The following TRIM2 variants were observed in gnomAD, a reference collection of about 807,000 sequenced individuals.
The protein encoded by TRIM2 is tripartite motif containing 2, also known as tripartite motif-containing protein 2.
A neutral mutation model predicts 75.2 loss-of-function variants in TRIM2; 20 were observed. That is an observed-to-expected ratio of 0.27 (90% CI 0.19 to 0.39). The LOEUF (loss-of-function observed/expected upper bound fraction) is 0.39. Among genes scored for constraint, TRIM2 ranks in the 10% least tolerant of loss-of-function variants. The pLI, the probability that TRIM2 is intolerant of heterozygous loss-of-function variation, is 1.00. For missense variants in TRIM2, 660 were observed against 990.8 expected (o/e 0.67, Z 4.48); for synonymous variants, 373 against 388.3 (o/e 0.96, Z 0.46).
intron 6 of TRIM2, among the ~76,000 whole-genome samples, chr4:153,312,563 G>C (rs1766601630): frequency 6.6e-6 from 1 of 152,076 alleles, no homozygotes; most frequent in Non-Finnish European, 1.5e-5. Flanking sequence ...AACAACAGGT[G>C]CTGGAGAGGA....
intron 1 of TRIM2, among the ~76,000 whole-genome samples, chr4:153,214,284 C>T (rs958878270): frequency 6.6e-5 from 10 of 152,138 alleles, no homozygotes; most frequent in Non-Finnish European, 1.5e-4. Flanking sequence ...TGGAGATGCC[C>T]CTCTAAGTCC....
chr4:153,270,545 G>C (rs370159516), intron 2 of TRIM2, 26 bp downstream of exon 2: 20 of 1,574,302 alleles, frequency 1.3e-5, no homozygotes, highest in African/African-American at 1.4e-5. Flanking sequence ...GCTTGGAGAA[G>C]GGAGTTTCGC....
chr4:153,215,000 A>T (rs1738091340), intron 1 of TRIM2, among the ~76,000 whole-genome samples: 1 of 152,232 alleles, frequency 6.6e-6, no homozygotes. Context: ...ACAATTATAT[A>T]CTAGCCTCAC....
At chr4:153,164,058 T>A (rs192411094) in intron 1 of TRIM2, among the ~76,000 whole-genome samples, 1 of 152,230 alleles carries the variant, frequency 6.6e-6, no homozygotes, top group Admixed American at 6.5e-5. Flanking sequence ...TTAAGCTAAC[T>A]TCTCCCCGAA....
At chr4:153,180,011 A>G (rs1355529796) in intron 1 of TRIM2, among the ~76,000 whole-genome samples, 1 of 152,248 alleles carries the variant, frequency 6.6e-6, no homozygotes, top group Non-Finnish European at 1.5e-5. Context: ...ATCAGAATTC[A>G]GTACTCAAGT....
intron 1 of TRIM2, among the ~76,000 whole-genome samples, chr4:153,251,852 A>C (rs1380562515): frequency 1.3e-5 from 2 of 152,094 alleles, no homozygotes; most frequent in Non-Finnish European, 2.9e-5. Flanking sequence ...ATGGTGGTAC[A>C]CGCCTGTAGT....
rs962644657 is a variant in TRIM2 at position 153,316,106 on chromosome 4, T to C, written c.1782+107T>C. The C allele has an allele frequency of 2.8e-6, 3 of 1,053,564 alleles. No homozygotes were observed. In the South Asian group the frequency reaches 5.3e-5, roughly 19 times the overall value. 65.3% of individuals were successfully genotyped at this position (1,053,564 alleles called of 1,614,324 possible). A position where few individuals can be genotyped will look rare whatever the true frequency, so the allele number is the denominator to read the frequency against. On this transcript the variant is annotated intron_variant, in intron 8 of 11. Coordinates refer to ENST00000338700, the MANE Select transcript of TRIM2 (RefSeq NM_015271.5). ...GAGATGCAGTGCAACATTCAACAATTCTTCATACACAAAGATATCTGACAT... is the reference window on the plus strand; with the variant it reads ...GAGATGCAGTGCAACATTCAACAATCCTTCATACACAAAGATATCTGACAT...
intron 6 of TRIM2, chr4:153,308,648 C>T (rs1479985459): frequency 1.7e-6 from 1 of 594,310 alleles, no homozygotes; most frequent in Non-Finnish European, 3.3e-6. Flanking sequence ...ATGTTCAAAG[C>T]ATCCTGCTCA....
chr4:153,204,652 T>C, intron 1 of TRIM2, 92 bp downstream of exon 1: 1 of 1,475,282 alleles, frequency 6.8e-7, no homozygotes, highest in Non-Finnish European at 9.3e-7. Flanking sequence ...GGGTTGCTAC[T>C]TTTTCCTGGT....
At chr4:153,169,422 G>A (rs1169609512) in intron 1 of TRIM2, among the ~76,000 whole-genome samples, 1 of 152,156 alleles carries the variant, frequency 6.6e-6, no homozygotes, top group East Asian at 1.9e-4. Context: ...GAGACAGCAG[G>A]CTTAGTTATC....
intron 6 of TRIM2, 134 bp downstream of exon 6, chr4:153,296,170 A>G (rs1320191005): frequency 1.7e-6 from 2 of 1,178,434 alleles, no homozygotes; most frequent in Non-Finnish European, 1.1e-6. Context: ...CTGCTATAAA[A>G]TTTGATATAT....
At chr4:153,160,919 T>G (rs1024957944) in intron 1 of TRIM2, among the ~76,000 whole-genome samples, 16 of 152,240 alleles carry the variant, frequency 1.1e-4, no homozygotes, top group African/African-American at 3.6e-4. Flanking sequence ...AGGCTTCATT[T>G]TTAAAAAGGG....
At chr4:153,247,505 G>C (rs187268478) in intron 1 of TRIM2, among the ~76,000 whole-genome samples, 1 of 151,894 alleles carries the variant, frequency 6.6e-6, no homozygotes, top group Non-Finnish European at 1.5e-5. Context: ...CCAAAACCCC[G>C]TCTCTACTAA....
intron 8 of TRIM2, among the ~76,000 whole-genome samples, chr4:153,317,680 TGCCTGGGCATGGTG>T (rs1767990633): frequency 6.6e-6 from 1 of 151,686 alleles, no homozygotes; most frequent in Non-Finnish European, 1.5e-5. Flanking sequence ...AGATCTATCT[TGCCTGGGCATGGTG>T]GCTCATGCCT....
chr4:153,336,084 A>G lies in TRIM2; in HGVS notation c.*1118A>G. 1 of 985,172 alleles carries G rather than the reference A, an allele frequency of 1.0e-6. No homozygotes were observed. Among genetic ancestry groups the G allele is most frequent in the South Asian group, 4.7e-5 (1 of 21,276 alleles). The allele number at this position is 985,172 out of a possible 1,614,324, so 61.0% of individuals were successfully genotyped here. The stretch of plus-strand genomic sequence containing the variant: ...TGAATAGTAGAGGTGTCAAGGGACT[A>G]TGTATACATGATTAGGGTAAGATAG... On this transcript the variant is annotated 3_prime_UTR_variant, in exon 12 of 12. Transcript: ENST00000338700.
chr4:153,199,706 T>G (rs1734126596), upstream of TRIM2, among the ~76,000 whole-genome samples: 3 of 152,230 alleles, frequency 2.0e-5, no homozygotes, highest in Admixed American at 2.0e-4. Flanking sequence ...TAATAGATGC[T>G]GAGTGATGCA....
At chr4:153,315,688 A>G in intron 7 of TRIM2, 100 bp downstream of exon 7, 1 of 1,443,524 alleles carries the variant, frequency 6.9e-7, no homozygotes, top group Non-Finnish European at 9.6e-7. Context: ...GGTGTAAGGA[A>G]AAAAGCTTAT....
rs1769292601 is a variant in TRIM2 at position 153,322,775 on chromosome 4, C to T, written c.1910C>T (p.Thr637Ile). 1.2e-6 allele frequency: 2 copies of T among 1,614,068 alleles called. No individual in the cohort carries two copies. Among genetic ancestry groups the T allele is most frequent in the Non-Finnish European group, 1.7e-6 (2 of 1,180,048 alleles). ...TTCCAGCCAAACGGGAAAATAGTCA[C>T]CAGGTTTGGTAGCCGAGGAAATGGG... ...FIFQPNGKIV[T>I]RFGSRGNGDR... The change falls in exon 9 of 12, where the codon ACC (threonine) becomes ATC (isoleucine). Residue 637 changes from threonine to isoleucine, a missense_variant. Physicochemically the swap from Thr to Ile is moderately conservative, Grantham distance 89. Coordinates refer to ENST00000338700, the MANE Select transcript of TRIM2 (RefSeq NM_015271.5).
intron 6 of TRIM2, among the ~76,000 whole-genome samples, chr4:153,305,252 C>G (rs187036236): frequency 6.6e-6 from 1 of 152,076 alleles, no homozygotes; most frequent in Non-Finnish European, 1.5e-5. Context: ...CTCAGTGCCT[C>G]GGTTTCCTTT....
Sources: gnomAD v4.1 joint callset for allele counts (sites outside exome capture counted in the v4.1 genomes callset) on GRCh38, gnomAD v4.1.1 for gene constraint, MANE v1.5 for transcripts, NCBI Gene and HGNC (gene_info 2026-07-23, HGNC 2026-07-21) for gene names.